ABCD2: variants seen among roughly 807,000 people sequenced by gnomAD.
ABCD2 encodes ATP binding cassette subfamily D member 2.
A neutral mutation model predicts 70.9 loss-of-function variants in ABCD2; 36 were observed. The observed-to-expected ratio is 0.51, with a 90% CI of 0.39 to 0.67. ABCD2 has a LOEUF of 0.67. ABCD2 is among the 30% of genes least tolerant of loss of function. The pLI is 0.00. For synonymous variants in ABCD2, 304 were observed against 306.9 expected, an observed-to-expected ratio of 0.99 and a Z score of 0.10; for missense variants, 729 against 890.2, an observed-to-expected ratio of 0.82 and a Z score of 2.30.
chr12:39,546,801 G>T (rs1030911290), downstream of ABCD2, among the ~76,000 whole-genome samples: 1 of 152,076 alleles, frequency 6.6e-6, no homozygotes, highest in African/African-American at 2.4e-5. Context: ...TTTGATAGAT[G>T]AAGATGGTAG....
intron 9 of ABCD2, among the ~76,000 whole-genome samples, chr12:39,557,903 T>C (rs1300025066): frequency 1.3e-5 from 2 of 152,108 alleles, no homozygotes; most frequent in Admixed American, 1.3e-4. Context: ...TGGAGAACCA[T>C]TGCTAGGGTA....
At chr12:39,549,292 G>T (rs1043864282), downstream of ABCD2, among the ~76,000 whole-genome samples, 7 of 151,806 alleles carry the variant, frequency 4.6e-5, no homozygotes, top group Admixed American at 2.6e-4. Context: ...GCAACAGAGT[G>T]GTCTTAGATA....
At chr12:39,544,894 C>G in the ABCD2 span, among the ~76,000 whole-genome samples, 1 of 152,140 alleles carries the variant, frequency 6.6e-6, no homozygotes, top group Non-Finnish European at 1.5e-5. Context: ...TTTAAGTGAA[C>G]AGCCTACTGT....
intron 6 of ABCD2, among the ~76,000 whole-genome samples, chr12:39,589,967 T>TTA (rs1941723283): frequency 6.6e-6 from 1 of 152,172 alleles, no homozygotes; most frequent in African/African-American, 2.4e-5. Flanking sequence ...TTTTAAAATA[T>TTA]TATTATAATG....
At chr12:39,547,272 A>G (rs1941034136), downstream of ABCD2, among the ~76,000 whole-genome samples, 1 of 151,978 alleles carries the variant, frequency 6.6e-6, no homozygotes, top group Non-Finnish European at 1.5e-5. Context: ...GCTAGGAAAA[A>G]CAGGATGGAG....
At chr12:39,578,473 C>CAAAA (rs397850133) in intron 8 of ABCD2, among the ~76,000 whole-genome samples, 1 of 67,060 alleles carries the variant, frequency 1.5e-5, no homozygotes, top group African/African-American at 5.5e-5. Flanking sequence ...GACTCCGTCT[C>CAAAA]AAAAAAAAAA....
At chr12:39,538,840 G>A in the ABCD2 span, among the ~76,000 whole-genome samples, 1 of 152,126 alleles carries the variant, frequency 6.6e-6, no homozygotes, top group Non-Finnish European at 1.5e-5. Flanking sequence ...TGGAAAACAC[G>A]TACCCCTGAA....
chr12:39,557,278 G>A (rs747263608), intron 9 of ABCD2, among the ~76,000 whole-genome samples: 2 of 152,144 alleles, frequency 1.3e-5, no homozygotes, highest in Non-Finnish European at 2.9e-5. Context: ...AGAGGTCTAT[G>A]GAACTTTGAA....
chr12:39,577,043 G>A lies in ABCD2; in HGVS notation c.1877+2492C>T, dbSNP rs534820144. ...ACATCAAAATAATAAAAATAACAAC[G>A]AATTTTTGCATATTACCAAGACTGG... On this transcript the variant is annotated intron_variant, in intron 8 of 9. Transcript: ENST00000308666. Among the ~76,000 whole-genome samples the A allele has an allele frequency of 2.1e-3, 312 of 151,358 alleles. 3 individuals are homozygous for A. The highest frequency in any genetic ancestry group is 6.8e-3 in the African/African-American group (280 of 41,286).
intron 9 of ABCD2, among the ~76,000 whole-genome samples, chr12:39,564,924 A>G (rs1048708824): frequency 1.3e-5 from 2 of 152,164 alleles, no homozygotes; most frequent in Admixed American, 6.5e-5. Context: ...AGGTTTGTCA[A>G]AGATCAGATG....
chr12:39,610,727 T>C (rs1942033803), intron 2 of ABCD2, among the ~76,000 whole-genome samples: 1 of 152,302 alleles, frequency 6.6e-6, no homozygotes, highest in Non-Finnish European at 1.5e-5. Context: ...GATTAATGCT[T>C]ATTGGGTCTT....
chr12:39,565,820 TGA>T (rs1941336876), intron 9 of ABCD2, among the ~76,000 whole-genome samples: 1 of 152,218 alleles, frequency 6.6e-6, no homozygotes, highest in Non-Finnish European at 1.5e-5. Flanking sequence ...CCTAATTTAT[TGA>T]GAGTTTTTAG....
At chr12:39,618,096 T>C (rs954500822) in intron 1 of ABCD2, among the ~76,000 whole-genome samples, 1 of 152,022 alleles carries the variant, frequency 6.6e-6, no homozygotes, top group Non-Finnish European at 1.5e-5. Context: ...AGTACAGTGC[T>C]GAACATGAAC....
chr12:39,573,576 A>T, intron 9 of ABCD2, 140 bp downstream of exon 9: 2 of 756,522 alleles, frequency 2.6e-6, no homozygotes, highest in Non-Finnish European at 4.0e-6. Flanking sequence ...TATCTAAGCT[A>T]CTAATGTGCA....
chr12:39,610,105 A>G (rs1942025202), intron 2 of ABCD2, among the ~76,000 whole-genome samples: 1 of 152,214 alleles, frequency 6.6e-6, no homozygotes, highest in African/African-American at 2.4e-5. Context: ...AAATTTTAAT[A>G]GATTAAAAGT....
chr12:39,610,023 ATTAC>A (rs1942024098), intron 2 of ABCD2, among the ~76,000 whole-genome samples: 1 of 152,198 alleles, frequency 6.6e-6, no homozygotes, highest in African/African-American at 2.4e-5. Flanking sequence ...GGCAAAAATT[ATTAC>A]TTGCTGCAAG....
chr12:39,561,782 C>G (rs1000917190), intron 9 of ABCD2, among the ~76,000 whole-genome samples: 2 of 152,106 alleles, frequency 1.3e-5, no homozygotes, highest in African/African-American at 2.4e-5. Flanking sequence ...ATTAGATCAT[C>G]CAGACAGAAA....
chr12:39,572,782 G>C (rs374136272), intron 9 of ABCD2, among the ~76,000 whole-genome samples: 2 of 152,188 alleles, frequency 1.3e-5, no homozygotes, highest in Non-Finnish European at 2.9e-5. Context: ...GAATGCTGCA[G>C]CCAGAAAGAG....
At position 39,565,679 on chromosome 12, in the gene ABCD2, G is replaced by A. The variant is rs55971169; in HGVS notation, c.2003+8037C>T. ...TCTAACACTATGTTGAATAAGAGTG[G>A]TGAGAGAGGGCATCCCTGTCTTGTG... On this transcript the variant is annotated intron_variant, in intron 9 of 9. Coordinates refer to ENST00000308666, the MANE Select transcript of ABCD2 (RefSeq NM_005164.4). 2.4e-3 allele frequency among the ~76,000 whole-genome samples: 373 copies of A among 152,268 alleles called. 2 individuals carry two copies. Among genetic ancestry groups the A allele is most frequent in the African/African-American group, 8.5e-3 (353 of 41,538 alleles).
Sources: gnomAD v4.1 joint callset for allele counts (sites outside exome capture counted in the v4.1 genomes callset) on GRCh38, gnomAD v4.1.1 for gene constraint, MANE v1.5 for transcripts, NCBI Gene and HGNC (gene_info 2026-07-23, HGNC 2026-07-21) for gene names.